Variants in FOCAD observed in about 807,000 individuals in gnomAD.
The protein encoded by FOCAD is KIAA1797.
A neutral mutation model predicts 225.6 loss-of-function variants in FOCAD; 198 were observed. The observed-to-expected ratio is 0.88, with a 90% confidence interval of 0.78 to 0.99. The LOEUF is 0.99. Ranked by LOEUF, FOCAD falls within the 50% of genes least tolerant of loss-of-function variation. The pLI is 0.00. For synonymous variants in FOCAD, 897 were observed against 755.0 expected (o/e 1.19, Z -3.08); for missense variants, 2,713 against 2,123.6 (o/e 1.28, Z -5.46).
At chr9:20,900,589 T>C (rs549630965) in intron 21 of FOCAD, among the ~76,000 whole-genome samples, 65 of 152,096 alleles carry the variant, frequency 4.3e-4, no homozygotes, top group African/African-American at 1.5e-3. Flanking sequence ...TGATATGAAG[T>C]ACAAGGAATA....
chr9:20,793,866 C>T (rs79984466), intron 11 of FOCAD, among the ~76,000 whole-genome samples: 1 of 152,142 alleles, frequency 6.6e-6, no homozygotes, highest in Admixed American at 6.5e-5. Context: ...ACGTTGAAGT[C>T]TACCATTGCC....
chr9:20,885,104 T>A lies in FOCAD; in HGVS notation c.2504-5T>A. ...AAAATAAAGTCTATATAATTTTTTT[T>A]AAAGGTGGTATGTTATTTTGCTATG... On this transcript the variant is annotated splice_region_variant and splice_polypyrimidine_tract_variant and intron_variant, in intron 20 of 43. Transcript: ENST00000338382. The A allele has an allele frequency of 7.1e-7, 1 of 1,415,306 alleles. No individual in the cohort carries two copies. Among genetic ancestry groups the A allele is most frequent in the Non-Finnish European group, 9.3e-7 (1 of 1,074,716 alleles). 87.7% of individuals were successfully genotyped at this position (1,415,306 alleles called of 1,614,324 possible). A position where few individuals can be genotyped will look rare whatever the true frequency, so the allele number is the denominator to read the frequency against.
chr9:20,767,698 T>G (rs1316513238), intron 7 of FOCAD, among the ~76,000 whole-genome samples: 1 of 143,748 alleles, frequency 7.0e-6, no homozygotes, highest in East Asian at 1.9e-4. Flanking sequence ...TGAATTTGTT[T>G]GAGTTCATTG....
At chr9:20,946,314 G>A (rs1269424921) in intron 29 of FOCAD, among the ~76,000 whole-genome samples, 1 of 152,094 alleles carries the variant, frequency 6.6e-6, no homozygotes, top group African/African-American at 2.4e-5. Flanking sequence ...GGAATGCATG[G>A]CAATTAATTA....
exon 2 of FOCAD, chr9:20,658,737 T>A (rs1587164451): frequency 6.3e-6 from 1 of 159,386 alleles, no homozygotes; most frequent in African/African-American, 2.4e-5. Flanking sequence ...ATCACCGTCT[T>A]CTCCATCGCT....
intron 5 of FOCAD, among the ~76,000 whole-genome samples, chr9:20,750,202 G>T (rs1213196680): frequency 6.6e-6 from 1 of 152,116 alleles, no homozygotes; most frequent in Non-Finnish European, 1.5e-5. Context: ...GAATCAACCA[G>T]TTTAAGAGTT....
At position 20,873,290 on chromosome 9, in the gene FOCAD, C is replaced by G. The variant is rs531289544; in HGVS notation, c.2191-1391C>G. Among the ~76,000 whole-genome samples the G allele has an allele frequency of 1.2e-4, 18 of 152,252 alleles. No homozygotes were observed. The South Asian group carries it at 3.3e-3, about 28-fold the overall frequency. On this transcript the variant is annotated intron_variant, in intron 18 of 43. Coordinates refer to ENST00000338382, the MANE Select transcript of FOCAD (RefSeq NM_001375567.1). ...GCAAGGCAGAAGAACTCAGAACCAA[C>G]TTCTTTCTCAGGACTTTTTAGGCCA...
At chr9:20,895,990 G>T (rs532047260) in intron 21 of FOCAD, among the ~76,000 whole-genome samples, 1 of 151,944 alleles carries the variant, frequency 6.6e-6, no homozygotes, top group African/African-American at 2.4e-5. Flanking sequence ...AAATTATGAT[G>T]TTAACGGTGG....
chr9:20,938,695 A>G (rs1284657325), intron 28 of FOCAD, among the ~76,000 whole-genome samples: 2 of 152,122 alleles, frequency 1.3e-5, no homozygotes, highest in Non-Finnish European at 2.9e-5. Flanking sequence ...TAACCTGCAC[A>G]TTGTGCACAT....
chr9:20,859,658 G>T (rs1828575616), intron 15 of FOCAD, among the ~76,000 whole-genome samples: 1 of 143,528 alleles, frequency 7.0e-6, no homozygotes, highest in Non-Finnish European at 1.5e-5. Flanking sequence ...TTAAACTTAT[G>T]GAAAAGTTTA....
At chr9:20,741,050 G>A (rs1827573593) in intron 5 of FOCAD, among the ~76,000 whole-genome samples, 1 of 152,108 alleles carries the variant, frequency 6.6e-6, no homozygotes, top group African/African-American at 2.4e-5. Context: ...TAGGAACTCT[G>A]TTCAGTGAGG....
chr9:20,762,569 C>T (rs899234737), intron 6 of FOCAD, among the ~76,000 whole-genome samples: 4 of 152,126 alleles, frequency 2.6e-5, no homozygotes, highest in Admixed American at 1.3e-4. Flanking sequence ...GTAACTTTTA[C>T]ATTTTTATTA....
intron 18 of FOCAD, among the ~76,000 whole-genome samples, chr9:20,868,932 A>T (rs888783139): frequency 6.6e-6 from 1 of 152,090 alleles, no homozygotes; most frequent in Non-Finnish European, 1.5e-5. Context: ...CTTTTCATTG[A>T]TTGCTACATT....
At chr9:20,912,978 C>A (rs777477595) in intron 23 of FOCAD, 24 bp downstream of exon 23, 5 of 1,581,478 alleles carry the variant, frequency 3.2e-6, no homozygotes, top group Non-Finnish European at 8.7e-7. Flanking sequence ...TTCAGCTGCC[C>A]ATTATTTGTC....
chr9:20,882,930 G>A (rs553240859), intron 20 of FOCAD, among the ~76,000 whole-genome samples: 1 of 152,212 alleles, frequency 6.6e-6, no homozygotes, highest in South Asian at 2.1e-4. Context: ...GGGTGTTGTG[G>A]GGAGATATAC....
chr9:20,894,046 C>G (rs1461469085), intron 21 of FOCAD, among the ~76,000 whole-genome samples: 1 of 152,138 alleles, frequency 6.6e-6, no homozygotes, highest in Non-Finnish European at 1.5e-5. Context: ...CCTTCCTTCT[C>G]TCTAACTCCG....
At chr9:20,957,830 A>G (rs181880938) in intron 35 of FOCAD, among the ~76,000 whole-genome samples, 310 of 151,768 alleles carry the variant, frequency 2.0e-3, no homozygotes, top group Non-Finnish European at 2.3e-3. Flanking sequence ...GAACATCGTT[A>G]TGCATATAGC....
chr9:20,760,027 A>T (rs774189802), intron 6 of FOCAD, among the ~76,000 whole-genome samples: 2 of 152,174 alleles, frequency 1.3e-5, no homozygotes, highest in Non-Finnish European at 2.9e-5. Flanking sequence ...TACTACCATG[A>T]CGCTGGTTCA....
At chr9:20,931,444 A>G (rs797005892) in intron 27 of FOCAD, among the ~76,000 whole-genome samples, 3 of 152,324 alleles carry the variant, frequency 2.0e-5, no homozygotes, top group Admixed American at 6.5e-5. Flanking sequence ...GGAATCTCAA[A>G]TATTTGCCTT....
Sources: gnomAD v4.1 joint callset for allele counts (sites outside exome capture counted in the v4.1 genomes callset) on GRCh38, gnomAD v4.1.1 for gene constraint, MANE v1.5 for transcripts, NCBI Gene and HGNC (gene_info 2026-07-23, HGNC 2026-07-21) for gene names.